The following SCFD2 variants were observed in gnomAD, a reference collection of about 807,000 sequenced individuals.
SCFD2 encodes sec1 family domain containing 2, also known as sec1 family domain-containing protein 2.
In SCFD2, 54 loss-of-function variants were observed where a neutral mutation model predicts 58.9. The ratio of observed to expected loss-of-function variants is 0.92; its 90% CI spans 0.74 to 1.15. SCFD2 has a LOEUF of 1.15. Among genes scored for constraint, SCFD2 ranks in the 50% most tolerant of loss-of-function variants. The pLI is 0.00. For synonymous variants in SCFD2, 321 were observed against 335.9 expected, an observed-to-expected ratio of 0.96 and a Z score of 0.49; for missense variants, 805 against 836.6, an observed-to-expected ratio of 0.96 and a Z score of 0.47.
chr4:52,888,304 G>A (rs1163362894), intron 7 of SCFD2, among the ~76,000 whole-genome samples: 1 of 152,206 alleles, frequency 6.6e-6, no homozygotes, highest in African/African-American at 2.4e-5. Flanking sequence ...GAAGGACAGA[G>A]AGAAGAGAGA....
At chr4:53,012,260 GC>G (rs1722110132) in intron 5 of SCFD2, among the ~76,000 whole-genome samples, 2 of 152,042 alleles carry the variant, frequency 1.3e-5, no homozygotes, top group African/African-American at 4.8e-5. Context: ...TGCATATTTA[GC>G]CCTACGAATT....
intron 2 of SCFD2, among the ~76,000 whole-genome samples, chr4:53,319,749 C>A (rs1159926529): frequency 1.3e-5 from 2 of 152,106 alleles, no homozygotes; most frequent in Admixed American, 6.5e-5. Context: ...CCAGGCTGGT[C>A]TCAAACTCCT....
intron 2 of SCFD2, among the ~76,000 whole-genome samples, chr4:53,339,307 G>T (rs1250478116): frequency 6.6e-6 from 1 of 150,692 alleles, no homozygotes; most frequent in African/African-American, 2.4e-5. Flanking sequence ...ATTGAGATAA[G>T]TTATTACATG....
rs1726239050 is a variant in SCFD2, at chr4:53,143,828, C to CACA, written c.1561+1504_1561+1505insTGT. On this transcript the variant is annotated intron_variant, in intron 5 of 8. Coordinates refer to ENST00000401642, the MANE Select transcript of SCFD2 (RefSeq NM_152540.4). ...CACACACACACACACACACACACAC[C>CACA]AGCAAATGAATAGAAATGTGGTACA... is the stretch of plus-strand genomic sequence containing the variant. 3.9e-5 allele frequency among the ~76,000 whole-genome samples: 4 copies of CACA among 102,266 alleles called. No individual in the cohort carries two copies. In the Admixed American group the frequency reaches 4.0e-4, roughly 10 times the overall value. 67.1% of individuals were successfully genotyped at this position (102,266 alleles called of 152,430 possible).
intron 7 of SCFD2, among the ~76,000 whole-genome samples, chr4:52,888,185 C>T (rs1718788810): frequency 6.6e-6 from 1 of 152,148 alleles, no homozygotes; most frequent in African/African-American, 2.4e-5. Flanking sequence ...ACATCTTATT[C>T]TAAAAGCACT....
At chr4:53,360,097 C>G (rs1734509599) in intron 1 of SCFD2, among the ~76,000 whole-genome samples, 2 of 152,180 alleles carry the variant, frequency 1.3e-5, no homozygotes, top group Admixed American at 1.3e-4. Context: ...TTTTTACTCA[C>G]TAATACAGAA....
At chr4:52,921,485 A>G (rs1719734252) in intron 5 of SCFD2, among the ~76,000 whole-genome samples, 1 of 151,892 alleles carries the variant, frequency 6.6e-6, no homozygotes, top group Non-Finnish European at 1.5e-5. Context: ...CAGAGGAGAC[A>G]TGATCATGGA....
chr4:53,279,987 T>G (rs774307426), intron 3 of SCFD2, among the ~76,000 whole-genome samples: 8 of 152,216 alleles, frequency 5.3e-5, no homozygotes, highest in Non-Finnish European at 1.0e-4. Context: ...CAACATGAGA[T>G]TTGGGTGAGG....
intron 5 of SCFD2, among the ~76,000 whole-genome samples, chr4:53,015,000 G>C (rs1722177731): frequency 6.6e-6 from 1 of 152,156 alleles, no homozygotes; most frequent in Non-Finnish European, 1.5e-5. Context: ...GTAGTACTTA[G>C]TAGCAGTTGT....
chr4:53,214,146 T>C (rs1467337785), intron 4 of SCFD2, among the ~76,000 whole-genome samples: 1 of 152,182 alleles, frequency 6.6e-6, no homozygotes, highest in Non-Finnish European at 1.5e-5. Flanking sequence ...AGCAGCATGA[T>C]ATATACTCCT....
intron 5 of SCFD2, among the ~76,000 whole-genome samples, chr4:52,943,623 T>G (rs952561576): frequency 6.6e-6 from 1 of 152,180 alleles, no homozygotes; most frequent in Non-Finnish European, 1.5e-5. Flanking sequence ...ATAGAGCCCC[T>G]TTATAAGGGC....
chr4:53,265,958 T>C (rs1451576433), intron 4 of SCFD2, among the ~76,000 whole-genome samples: 1 of 151,848 alleles, frequency 6.6e-6, no homozygotes, highest in Non-Finnish European at 1.5e-5. Context: ...TTGCCCAGAC[T>C]GGTCTTGAAC....
chr4:53,225,557 T>A (rs527317200), intron 4 of SCFD2, among the ~76,000 whole-genome samples: 1 of 152,378 alleles, frequency 6.6e-6, no homozygotes, highest in East Asian at 1.9e-4. Context: ...GGTGAGTTGA[T>A]AACACCCTAT....
chr4:53,055,261 T>G (rs1723303847), intron 5 of SCFD2, among the ~76,000 whole-genome samples: 1 of 152,160 alleles, frequency 6.6e-6, no homozygotes, highest in Non-Finnish European at 1.5e-5. Flanking sequence ...AGACAGGATG[T>G]GGCTCAGCTC....
At chr4:53,278,154 G>GTCCA (rs976693482) in intron 3 of SCFD2, among the ~76,000 whole-genome samples, 1 of 152,028 alleles carries the variant, frequency 6.6e-6, no homozygotes. Context: ...ATCACTCGAG[G>GTCCA]TCCAGGGTTG....
intron 4 of SCFD2, among the ~76,000 whole-genome samples, chr4:53,221,920 T>A (rs566529536): frequency 6.6e-6 from 1 of 152,262 alleles, no homozygotes; most frequent in African/African-American, 2.4e-5. Context: ...AACAACAAAA[T>A]ACTACATTAG....
intron 5 of SCFD2, among the ~76,000 whole-genome samples, chr4:53,114,202 T>C (rs1229154484): frequency 1.3e-5 from 2 of 152,174 alleles, no homozygotes; most frequent in Non-Finnish European, 2.9e-5. Context: ...GGTTGGCACA[T>C]ACTAAGCACT....
chr4:52,907,500 C>G lies in SCFD2; in HGVS notation c.1799G>C (p.Gly600Ala), dbSNP rs763673727. 4 of 1,613,844 alleles carry G rather than the reference C, an allele frequency of 2.5e-6. No homozygotes were observed. In the African/African-American group the frequency reaches 5.3e-5, roughly 22 times the overall value. ...DSVDIEHMSS[G>A]LTDLLKTGFS... ...TCCAGTTTTAAGGAGATCAGTGAGG[C>G]CTGAAGACATGTGTTCAATATCAAC... The change falls in exon 7 of 9, where the codon GGC (glycine) becomes GCC (alanine). Residue 600 changes from glycine (G) to alanine (A), a missense_variant. By Grantham distance (60) the Gly-to-Ala change is moderately conservative (BLOSUM62 0). Around this residue, in one of 3 missense-constraint regions of SCFD2, gnomAD observed 633 missense variants for 646.8 expected, o/e 0.98. Transcript: ENST00000401642.
intron 8 of SCFD2, among the ~76,000 whole-genome samples, chr4:52,879,115 C>CA (rs1339294258): frequency 2.6e-5 from 4 of 152,144 alleles, no homozygotes; most frequent in Non-Finnish European, 4.4e-5. Flanking sequence ...CTAGCCACCC[C>CA]ACTTTCACCT....
Sources: allele counts gnomAD v4.1 joint callset (sites outside exome capture counted in the v4.1 genomes callset), GRCh38; gene constraint gnomAD v4.1.1; regional missense constraint gnomAD v4.1.1; transcripts MANE v1.5; gene names NCBI Gene and HGNC (gene_info 2026-07-23, HGNC 2026-07-21).